The following TAF1L variants were observed in gnomAD, a reference collection of about 807,000 sequenced individuals.
The protein encoded by TAF1L is transcription initiation factor TFIID subunit 1-like.
In TAF1L, 30 loss-of-function variants were observed where a neutral mutation model predicts 128.8. The observed-to-expected ratio is 0.23, with a 90% CI of 0.17 to 0.32. The LOEUF is 0.32. Among genes scored for constraint, TAF1L ranks in the 10% least tolerant of loss-of-function variants. The pLI is 1.00. For missense variants in TAF1L, 2,099 were observed against 2,253.7 expected, an observed-to-expected ratio of 0.93 and a Z score of 1.39; for synonymous variants, 764 against 790.7, an observed-to-expected ratio of 0.97 and a Z score of 0.57.
At position 32,635,334 on chromosome 9, in the gene TAF1L, T is replaced by C. The variant is rs1314262912; in HGVS notation, c.246A>G (p.Ala82=). The C allele has an allele frequency of 1.2e-6, 2 of 1,614,060 alleles. No homozygotes were observed. The highest frequency in any genetic ancestry group is 2.7e-5 in the African/African-American group (2 of 74,926). The change falls in exon 1 of 1, where the codon GCA becomes GCG. Residue 82 remains alanine, a synonymous_variant. Coordinates refer to ENST00000242310, the MANE Select transcript of TAF1L (RefSeq NM_153809.2). ...CGCCAGTCCCAGTCAATTCTTCATT[T>C]GCCGTGAGTTCAGTGATTAGGCTGC... The part of the protein sequence containing the change: ...GLGSLITELT[A]NEELTGTGGA...
chr9:32,629,639 T>C lies in TAF1L; in HGVS notation c.*460A>G. ...TGTTCCAGCCTGTAAATTAGAAAAG[T>C]GAGATGATACCATGCTTGGAAATTT... is the stretch of plus-strand genomic sequence containing the variant. On this transcript the variant is annotated 3_prime_UTR_variant, in exon 1 of 1. Coordinates refer to ENST00000242310, the MANE Select transcript of TAF1L (RefSeq NM_153809.2). 1 of 215,708 alleles carries C rather than the reference T, an allele frequency of 4.6e-6. No individual in the cohort carries two copies. Among genetic ancestry groups the C allele is most frequent in the Non-Finnish European group, 9.3e-6 (1 of 108,094 alleles). The allele number at this position is 215,708 out of a possible 1,614,324, so 13.4% of individuals were successfully genotyped here. A position where few individuals can be genotyped will look rare whatever the true frequency, so the allele number is the denominator to read the frequency against.
Position 32,635,206 on chromosome 9 carries a change from T to A in TAF1L, c.374A>T (p.Gln125Leu), listed in dbSNP as rs1261260682. 5.6e-6 allele frequency: 9 copies of A among 1,614,084 alleles called. No individual in the cohort carries two copies. The South Asian group carries it at 9.9e-5, about 18-fold the overall frequency. ...VAEDESQRHQ[Q>L]TMGSLQPLYH... ...AAGGGGCTGCAAGCTCCCCATCGTC[T>A]GCTGGTGTCTTTGGCTTTCATCTTC... Residue 125 changes from glutamine to leucine, a missense_variant, in exon 1 of 1, where the codon CAG becomes CTG. Around this residue, in one of 4 missense-constraint regions of TAF1L, gnomAD observed 473 missense variants for 429.6 expected, o/e 1.10. Coordinates refer to ENST00000242310, the MANE Select transcript of TAF1L (RefSeq NM_153809.2).
At position 32,630,242 on chromosome 9, in the gene TAF1L, C is replaced by T. The variant is rs779654443; in HGVS notation, c.5338G>A (p.Glu1780Lys). The change falls in exon 1 of 1, where the codon GAA becomes AAA. Residue 1780 changes from glutamate (E) to lysine (K), a missense_variant. Transcript: ENST00000242310. The stretch of plus-strand genomic sequence containing the variant: ...GCAGAGAAAGGATTGTCTCCTTCTT[C>T]GTCACTCCCAGCATCTTCCTCATCA... The part of the protein sequence containing the change: ...EDDEEDAGSD[E>K]EGDNPFSAIQ... 50 of 1,614,074 alleles carry T rather than the reference C, an allele frequency of 3.1e-5. No homozygotes were observed. The Admixed American group carries it at 3.3e-4, about 11-fold the overall frequency.
In TAF1L at chr9:32,634,394, T is replaced by A. The variant is rs543476365; in HGVS notation, c.1186A>T (p.Ile396Leu). Reference protein sequence around the residue: ...KLRKTQHEPVIKSRMMEEFRK... With the variant: ...KLRKTQHEPVLKSRMMEEFRK... ...AATTCCTCCATCATTCTAGATTTTA[T>A]CACAGGTTCATGTTGTGTCTTTCTC... Residue 396 changes from isoleucine (I) to leucine (L), a missense_variant, in exon 1 of 1, where the codon ATA (isoleucine) becomes TTA (leucine). Ile to Leu is a conservative substitution (Grantham distance 5). Coordinates refer to ENST00000242310, the MANE Select transcript of TAF1L (RefSeq NM_153809.2). 64 of 1,614,224 alleles carry A rather than the reference T, an allele frequency of 4.0e-5. No individual in the cohort carries two copies. The East Asian group carries it at 1.4e-3, about 35-fold the overall frequency.
chr9:32,632,564 T>G lies in TAF1L; in HGVS notation c.3016A>C (p.Thr1006Pro). 3 of 1,614,240 alleles carry G rather than the reference T, an allele frequency of 1.9e-6. No homozygotes were observed. Among genetic ancestry groups the G allele is most frequent in the Non-Finnish European group, 2.5e-6 (3 of 1,180,044 alleles). The change falls in exon 1 of 1, where the codon ACA becomes CCA. Residue 1006 changes from threonine (T) to proline (P), a missense_variant. This residue lies in a region of TAF1L where 1,213 missense variants were observed against 1,391.4 expected (regional missense o/e 0.87). Transcript: ENST00000242310. The surrounding 1 kb of genome is among the most constrained non-coding windows in gnomAD (Gnocchi z 4.4). ...AGGTCTGCATCTGTTCCTGTCACTGTCTTCTTCACTGCCTGTGGCTCTTTA... is the reference window on the plus strand; with the variant it reads ...AGGTCTGCATCTGTTCCTGTCACTGGCTTCTTCACTGCCTGTGGCTCTTTA... ...DDKEPQAVKK[T>P]VTGTDADLRR...
Position 32,632,458 on chromosome 9 carries a change from C to T in TAF1L, c.3122G>A (p.Arg1041His), listed in dbSNP as rs1244920150. The T allele has an allele frequency of 2.5e-6, 4 of 1,614,062 alleles. No individual in the cohort carries two copies. Among genetic ancestry groups the T allele is most frequent in the Admixed American group, 1.7e-5 (1 of 60,002 alleles). ...GCGCACCACATCAATCACTTCCCAGCGGGACAACTTTTTAATCTCTTCCTC... is the reference window on the plus strand; with the variant it reads ...GCGCACCACATCAATCACTTCCCAGTGGGACAACTTTTTAATCTCTTCCTC... ...VPEEEIKKLS[R>H]WEVIDVVRTM... Residue 1041 changes from arginine (R) to histidine (H), a missense_variant, in exon 1 of 1, where the codon CGC (arginine) becomes CAC (histidine). Arg to His is a conservative substitution (Grantham distance 29). This residue lies in a region of TAF1L where 1,213 missense variants were observed against 1,391.4 expected (regional missense o/e 0.87). Transcript: ENST00000242310. The surrounding 1 kb of genome is among the most constrained non-coding windows in gnomAD (Gnocchi z 4.4).
rs776258377 is a variant in TAF1L, at chr9:32,631,548, G to A, written c.4032C>T (p.Phe1344=). Residue 1344 remains phenylalanine (F), a synonymous_variant, in exon 1 of 1, where the codon TTC becomes TTT. Coordinates refer to ENST00000242310, the MANE Select transcript of TAF1L (RefSeq NM_153809.2). The surrounding 1 kb of genome is among the most constrained non-coding windows in gnomAD (Gnocchi z 4.1). Reference sequence around the variant, plus strand: ...GCACATTCTCAATTAGCTGTTTCCCGAAGACAATTTTGGTCCCTTCAACCT... The same window carrying A: ...GCACATTCTCAATTAGCTGTTTCCCAAAGACAATTTTGGTCCCTTCAACCT... ...LIKVEGTKIV[F]GKQLIENVHE... The A allele has an allele frequency of 1.6e-5, 26 of 1,614,052 alleles. No individual in the cohort carries two copies. The highest frequency in any genetic ancestry group is 5.3e-5 in the African/African-American group (4 of 74,916).
In TAF1L at chr9:32,632,608, G is replaced by A. The variant is rs1482743171; in HGVS notation, c.2972C>T (p.Pro991Leu). ...CTCTTTATCATCCTTCTGCTGTGTT[G>A]GTTTATTTGGAATCTTCACATAGGA... ...GFSYVKIPNK[P>L]TQQKDDKEPQ... Residue 991 changes from proline (P) to leucine (L), a missense_variant, in exon 1 of 1, where the codon CCA becomes CTA. By Grantham distance (98) the Pro-to-Leu change is moderately conservative (BLOSUM62 -3). Around this residue, in one of 4 missense-constraint regions of TAF1L, gnomAD observed 1,213 missense variants for 1,391.4 expected, o/e 0.87. Transcript: ENST00000242310. This position sits in a 1 kb window ranked among gnomAD's most constrained non-coding sequence, Gnocchi z 4.4. 6.2e-7 allele frequency: 1 copy of A among 1,614,144 alleles called. No homozygotes were observed. The highest frequency in any genetic ancestry group is 8.5e-7 in the Non-Finnish European group (1 of 1,180,028).
rs1822504435 is a variant in TAF1L, at chr9:32,630,568, G to C, written c.5012C>G (p.Thr1671Ser). ...YTSQPPDMYD[T>S]NTSLSTSRDA... ...TCGAGACGTACTGAGGGATGTGTTG[G>C]TATCATACATATCAGGAGGCTGAGA... Residue 1671 changes from threonine (T) to serine (S), a missense_variant, in exon 1 of 1, where the codon ACC becomes AGC. This residue lies in a region of TAF1L where 404 missense variants were observed against 406.5 expected (regional missense o/e 0.99). Transcript: ENST00000242310. The C allele has an allele frequency of 1.2e-6, 2 of 1,614,086 alleles. No individual in the cohort carries two copies. The highest frequency in any genetic ancestry group is 1.3e-5 in the African/African-American group (1 of 74,922).
rs1221851127 is a variant in TAF1L, at chr9:32,631,587, A to C, written c.3993T>G (p.Asn1331Lys). The C allele has an allele frequency of 4.3e-6, 7 of 1,614,054 alleles. No individual in the cohort carries two copies. Among genetic ancestry groups the C allele is most frequent in the Non-Finnish European group, 5.9e-6 (7 of 1,180,042 alleles). Residue 1331 changes from asparagine (N) to lysine (K), a missense_variant, in exon 1 of 1, where the codon AAT becomes AAG. Coordinates refer to ENST00000242310, the MANE Select transcript of TAF1L (RefSeq NM_153809.2). This position sits in a 1 kb window ranked among gnomAD's most constrained non-coding sequence, Gnocchi z 4.1. Reference protein sequence around the residue: ...ELEKTVIHNDNEELIKVEGTK... With the variant: ...ELEKTVIHNDKEELIKVEGTK... ...TCCCTTCAACCTTGATAAGTTCTTCATTATCATTATGAATGACTGTCTTTT... is the reference window on the plus strand; with the variant it reads ...TCCCTTCAACCTTGATAAGTTCTTCCTTATCATTATGAATGACTGTCTTTT...
At position 32,635,584 on chromosome 9, in the gene TAF1L, C is replaced by T; in HGVS notation, c.-5G>A. ...CAAATCGCAGCCGGGTCGCATAAAC[C>T]GGAAATAAAACAACAGTCGCCCGGA... On this transcript the variant is annotated 5_prime_UTR_variant, in exon 1 of 1. Transcript: ENST00000242310. 1.9e-6 allele frequency: 3 copies of T among 1,608,742 alleles called. No individual in the cohort carries two copies. Among genetic ancestry groups the T allele is most frequent in the Non-Finnish European group, 2.5e-6 (3 of 1,177,808 alleles).
rs769065901 is a variant in TAF1L, at chr9:32,635,526, G to T, written c.54C>A (p.Ala18=). The T allele has an allele frequency of 1.9e-6, 3 of 1,614,142 alleles. No homozygotes were observed. In the South Asian group the frequency reaches 3.3e-5, roughly 18 times the overall value. The stretch of plus-strand genomic sequence containing the variant: ...CCTCGCTGTCCGAGTCTGACATGAT[G>T]GCGGCAGTGACGGTAGCTGCTGCCC... The part of the protein sequence containing the change: ...LLRAAATVTA[A]IMSDSDSEED... The change falls in exon 1 of 1, where the codon GCC becomes GCA. Residue 18 remains alanine, a synonymous_variant. Transcript: ENST00000242310.
Position 32,634,627 on chromosome 9 carries a change from G to A in TAF1L, c.953C>T (p.Pro318Leu), listed in dbSNP as rs760634576. The A allele has an allele frequency of 1.2e-6, 2 of 1,614,152 alleles. No homozygotes were observed. The highest frequency in any genetic ancestry group is 8.5e-7 in the Non-Finnish European group (1 of 1,180,016). Residue 318 changes from proline (P) to leucine (L), a missense_variant, in exon 1 of 1, where the codon CCA becomes CTA. Transcript: ENST00000242310. ...KSLWNYDYAPPPPPEQCLADD... is the reference protein window; with the variant it reads ...KSLWNYDYAPLPPPEQCLADD... ...AGCGAGACACTGCTCTGGGGGTGGT[G>A]GTGGAGCATAGTCATAGTTCCACAA...
chr9:32,630,785 C>A lies in TAF1L; in HGVS notation c.4795G>T (p.Val1599Phe). Reference sequence around the variant, plus strand: ...TGACTCTCAGGTCCATTATACTTAACACTGTTGGCAAGAATAAGGTTTACA... The same window carrying A: ...TGACTCTCAGGTCCATTATACTTAAAACTGTTGGCAAGAATAAGGTTTACA... ...DDVNLILANS[V>F]KYNGPESQYT... The change falls in exon 1 of 1, where the codon GTT becomes TTT. Residue 1599 changes from valine to phenylalanine, a missense_variant. By Grantham distance (50) the Val-to-Phe change is conservative. Around this residue, in one of 4 missense-constraint regions of TAF1L, gnomAD observed 404 missense variants for 406.5 expected, o/e 0.99. Transcript: ENST00000242310. 1 of 1,614,220 alleles carries A rather than the reference C, an allele frequency of 6.2e-7. No homozygotes were observed. Among genetic ancestry groups the A allele is most frequent in the Non-Finnish European group, 8.5e-7 (1 of 1,180,034 alleles).
rs767903653 is a variant in TAF1L, at chr9:32,632,147, G to A, written c.3433C>T (p.Arg1145Trp). The A allele has an allele frequency of 6.8e-6, 11 of 1,614,098 alleles. No homozygotes were observed. The highest frequency in any genetic ancestry group is 1.7e-5 in the Admixed American group (1 of 60,020). Residue 1145 changes from arginine to tryptophan, a missense_variant, in exon 1 of 1, where the codon CGG (arginine) becomes TGG (tryptophan). Coordinates refer to ENST00000242310, the MANE Select transcript of TAF1L (RefSeq NM_153809.2). This position sits in a 1 kb window ranked among gnomAD's most constrained non-coding sequence, Gnocchi z 4.4. ...AGTAGCATTCGCCGTAGTTCCTTCCGCTCCTGCTCCTCCCATTCACGTGAC... is the reference window on the plus strand; with the variant it reads ...AGTAGCATTCGCCGTAGTTCCTTCCACTCCTGCTCCTCCCATTCACGTGAC... ...QLSREWEEQE[R>W]KELRRMLLVA...
chr9:32,632,039 C>T lies in TAF1L; in HGVS notation c.3541G>A (p.Gly1181Arg). 6.2e-7 allele frequency: 1 copy of T among 1,614,114 alleles called. No homozygotes were observed. The highest frequency in any genetic ancestry group is 1.1e-5 in the South Asian group (1 of 91,078). The change falls in exon 1 of 1, where the codon GGA (glycine) becomes AGA (arginine). Residue 1181 changes from glycine (G) to arginine (R), a missense_variant. Around this residue, in one of 4 missense-constraint regions of TAF1L, gnomAD observed 1,213 missense variants for 1,391.4 expected, o/e 0.87. Coordinates refer to ENST00000242310, the MANE Select transcript of TAF1L (RefSeq NM_153809.2). The surrounding 1 kb of genome is among the most constrained non-coding windows in gnomAD (Gnocchi z 4.4). Reference protein sequence around the residue: ...SMTSLKSSATGHCLKIYRTFR... With the variant: ...SMTSLKSSATRHCLKIYRTFR... ...GTGCGATAAATCTTGAGACAGTGTC[C>T]AGTGGCAGAAGACTTAAGGCTAGTC...
chr9:32,635,048 A>G lies in TAF1L; in HGVS notation c.532T>C (p.Ser178Pro), dbSNP rs147772420. Residue 178 changes from serine to proline, a missense_variant, in exon 1 of 1, where the codon TCT becomes CCT. Physicochemically the swap from Ser to Pro is moderately conservative, Grantham distance 74. This residue lies in a region of TAF1L where 473 missense variants were observed against 429.6 expected (regional missense o/e 1.10). Transcript: ENST00000242310. The part of the protein sequence containing the change: ...DKDQDAITCV[S>P]ESGEDIILPS... ...AAGATGATGTCTTCTCCACTTTCAGACACACAGGTAATAGCATCTTGGTCC... is the reference window on the plus strand; with the variant it reads ...AAGATGATGTCTTCTCCACTTTCAGGCACACAGGTAATAGCATCTTGGTCC... 3.1e-6 allele frequency: 5 copies of G among 1,614,008 alleles called. No individual in the cohort carries two copies. Among genetic ancestry groups the G allele is most frequent in the Non-Finnish European group, 4.2e-6 (5 of 1,180,040 alleles).
rs780071783 is a variant in TAF1L at position 32,631,231 on chromosome 9, C to T, written c.4349G>A (p.Arg1450His). Residue 1450 changes from arginine to histidine, a missense_variant, in exon 1 of 1, where the codon CGT becomes CAT. By Grantham distance (29) the Arg-to-His change is conservative. Coordinates refer to ENST00000242310, the MANE Select transcript of TAF1L (RefSeq NM_153809.2). This position sits in a 1 kb window ranked among gnomAD's most constrained non-coding sequence, Gnocchi z 4.1. Reference protein sequence around the residue: ...ITRPMDLQTLRENVRKCLYPS... With the variant: ...ITRPMDLQTLHENVRKCLYPS... ...GTAGAGGCATTTACGCACATTTTCA[C>T]GGAGTGTTTGTAGGTCCATTGGCCG... 31 of 1,613,986 alleles carry T rather than the reference C, an allele frequency of 1.9e-5. No individual in the cohort carries two copies. Among genetic ancestry groups the T allele is most frequent in the Non-Finnish European group, 2.2e-5 (26 of 1,180,034 alleles).
At position 32,631,217 on chromosome 9, in the gene TAF1L, T is replaced by C. The variant is rs757077859; in HGVS notation, c.4363A>G (p.Lys1455Glu). Reference sequence around the variant, plus strand: ...TCTTCCCGAGATGGGTAGAGGCATTTACGCACATTTTCACGGAGTGTTTGT... The same window carrying C: ...TCTTCCCGAGATGGGTAGAGGCATTCACGCACATTTTCACGGAGTGTTTGT... The part of the protein sequence containing the change: ...DLQTLRENVR[K>E]CLYPSREEFR... The change falls in exon 1 of 1, where the codon AAA becomes GAA. Residue 1455 changes from lysine (K) to glutamate (E), a missense_variant. Coordinates refer to ENST00000242310, the MANE Select transcript of TAF1L (RefSeq NM_153809.2). The surrounding 1 kb of genome is among the most constrained non-coding windows in gnomAD (Gnocchi z 4.1). 1.9e-6 allele frequency: 3 copies of C among 1,614,224 alleles called. No individual in the cohort carries two copies. The Admixed American group carries it at 5.0e-5, about 27-fold the overall frequency.
Sources: gnomAD v4.1 joint callset for allele counts on GRCh38, gnomAD v4.1.1 for gene constraint, gnomAD v4.1.1 regional missense constraint, Gnocchi (gnomAD v3.1) non-coding constraint, MANE v1.5 for transcripts, NCBI Gene and HGNC (gene_info 2026-07-23, HGNC 2026-07-21) for gene names.